Variants in MYL6 observed in about 807,000 individuals in gnomAD.
MYL6 encodes the protein myosin light polypeptide 6.
Under a neutral mutation model 20.3 loss-of-function variants are expected in MYL6, and 20 were observed. The ratio of observed to expected loss-of-function variants is 0.98; its 90% CI spans 0.69 to 1.43. The LOEUF is 1.43. Among genes scored for constraint, MYL6 ranks in the 40% most tolerant of loss-of-function variants. The pLI, the probability that MYL6 is intolerant of heterozygous loss-of-function variation, is 0.00. For missense variants in MYL6, 164 were observed against 191.0 expected, an observed-to-expected ratio of 0.86 and a Z score of 0.83; for synonymous variants, 77 against 72.4, an observed-to-expected ratio of 1.06 and a Z score of -0.32.
rs1408058360 is a variant in MYL6, at chr12:56,161,178, G to C, written c.*17-209G>C. 3 of 631,894 alleles carry C rather than the reference G, an allele frequency of 4.7e-6. No individual in the cohort carries two copies. The African/African-American group carries it at 5.5e-5, about 11-fold the overall frequency. The allele number at this position is 631,894 out of a possible 1,614,324, so 39.1% of individuals were successfully genotyped here. Reference sequence around the variant, plus strand: ...TGCTGTGTTCTTGCTGCTTAGGTTTGGGTGGGGGACTAACAGCTGCTGGGA... The same window carrying C: ...TGCTGTGTTCTTGCTGCTTAGGTTTCGGTGGGGGACTAACAGCTGCTGGGA... On this transcript the variant is annotated intron_variant, in intron 6 of 6. Coordinates refer to ENST00000550697, the MANE Select transcript of MYL6 (RefSeq NM_021019.5).
intron 6 of MYL6, chr12:56,161,130 G>A: frequency 5.0e-6 from 3 of 601,570 alleles, no homozygotes; most frequent in Non-Finnish European, 9.0e-6. Flanking sequence ...AGCTGTAGGT[G>A]TAGTGGAGAA....
intron 2 of MYL6, 38 bp from the exon 3 acceptor site, chr12:56,159,549 C>A (rs764273200): frequency 6.2e-7 from 1 of 1,604,630 alleles, no homozygotes; most frequent in Non-Finnish European, 8.5e-7. Context: ...TTTGGATTAA[C>A]CCTCAAATCC....
chr12:56,158,516 A>T (rs1871468476), intron 1 of MYL6, 112 bp downstream of exon 1: 1 of 1,603,134 alleles, frequency 6.2e-7, no homozygotes, highest in Non-Finnish European at 8.5e-7. Context: ...TGAGGACCCG[A>T]AAGGTTGGAG....
At chr12:56,159,888 C>A in intron 3 of MYL6, 87 bp from the exon 4 acceptor site, 1 of 1,531,110 alleles carries the variant, frequency 6.5e-7, no homozygotes, top group Non-Finnish European at 8.8e-7. Context: ...TCTGTCATCT[C>A]TCTGTTCAGT....
intron 5 of MYL6, 150 bp downstream of exon 5, chr12:56,160,470 G>A (rs1003803310): frequency 1.1e-5 from 15 of 1,415,858 alleles, no homozygotes; most frequent in African/African-American, 9.9e-5. Context: ...CCAGGAGTGG[G>A]AGGTCAGGGC....
chr12:56,160,765 C>T (rs547357527), intron 6 of MYL6, 95 bp downstream of exon 6: 20 of 1,341,982 alleles, frequency 1.5e-5, no homozygotes, highest in Non-Finnish European at 2.0e-5. Context: ...ACCCTACTAC[C>T]ATCTGACTTC....
chr12:56,160,801 T>C (rs1183120624), intron 6 of MYL6, 131 bp downstream of exon 6: 2 of 1,046,400 alleles, frequency 1.9e-6, no homozygotes, highest in Non-Finnish European at 2.8e-6. Context: ...TGCATGGAGC[T>C]GACTAGGGAG....
chr12:56,160,687 C>A lies in MYL6; in HGVS notation c.*16+17C>A. ...ATGGGGCGGGTACGGCTCCTCCCAG[C>A]CTCTCCTCTAGTTGATCTCCCCAGT... On this transcript the variant is annotated intron_variant, in intron 6 of 6. Coordinates refer to ENST00000550697, the MANE Select transcript of MYL6 (RefSeq NM_021019.5). The A allele has an allele frequency of 6.2e-7, 1 of 1,613,472 alleles. No individual in the cohort carries two copies. Among genetic ancestry groups the A allele is most frequent in the Non-Finnish European group, 8.5e-7 (1 of 1,179,490 alleles).
intron 2 of MYL6, chr12:56,159,382 G>A: frequency 1.7e-6 from 1 of 600,516 alleles, no homozygotes; most frequent in Non-Finnish European, 2.7e-6. Flanking sequence ...ATGTTACCAG[G>A]CTGCCAGAAG....
In MYL6 at chr12:56,161,377, C is replaced by T. The variant is rs373745775; in HGVS notation, c.*17-10C>T. The T allele has an allele frequency of 6.2e-7, 1 of 1,614,026 alleles. No individual in the cohort carries two copies. Among genetic ancestry groups the T allele is most frequent in the Non-Finnish European group, 8.5e-7 (1 of 1,180,010 alleles). On this transcript the variant is annotated splice_polypyrimidine_tract_variant and intron_variant, in intron 6 of 6. Transcript: ENST00000550697. ...TGTTCCCTGGCTCATCCCACCTTTC[C>T]TTTCCACAGAGCTCGTCCGCATGGT...
intron 1 of MYL6, 35 bp from the exon 2 acceptor site, chr12:56,158,648 GT>G: frequency 6.2e-7 from 1 of 1,614,092 alleles, no homozygotes; most frequent in Non-Finnish European, 8.5e-7. Flanking sequence ...GGGGATTGGC[GT>G]TCAGATGCTG....
At chr12:56,160,893 T>C (rs749703559) in intron 6 of MYL6, 3 of 599,142 alleles carry the variant, frequency 5.0e-6, no homozygotes, top group South Asian at 4.1e-5. Context: ...GTTTTACTTA[T>C]GCGGCCCTGG....
At chr12:56,159,510 TGAATGGGCAGCA>T in intron 2 of MYL6, 65 bp from the exon 3 acceptor site, 1 of 1,556,622 alleles carries the variant, frequency 6.4e-7, no homozygotes. Context: ...TGATCAAAGT[TGAATGGGCAGCA>T]GAGCTCTGAG....
rs1565883463 is a variant in MYL6, at chr12:56,159,741, T to C, written c.175+11T>C. The C allele has an allele frequency of 6.2e-7, 1 of 1,612,476 alleles. No homozygotes were observed. The highest frequency in any genetic ancestry group is 2.2e-5 in the East Asian group (1 of 44,848). On this transcript the variant is annotated intron_variant, in intron 3 of 6. Coordinates refer to ENST00000550697, the MANE Select transcript of MYL6 (RefSeq NM_021019.5). ...ACCCCAAGAGTGATGGTGAGGGGCCTAAAGAACAACTCCTCAGTGTGGTCA... is the reference window on the plus strand; with the variant it reads ...ACCCCAAGAGTGATGGTGAGGGGCCCAAAGAACAACTCCTCAGTGTGGTCA...
chr12:56,159,478 C>A, intron 2 of MYL6, 109 bp from the exon 3 acceptor site: 1 of 1,412,724 alleles, frequency 7.1e-7, no homozygotes, highest in Non-Finnish European at 9.7e-7. Flanking sequence ...CAGTTTGGTG[C>A]AGATATCTCG....
intron 5 of MYL6, 101 bp from the exon 6 acceptor site, chr12:56,160,525 G>A: frequency 6.9e-7 from 1 of 1,440,644 alleles, no homozygotes; most frequent in Non-Finnish European, 9.8e-7. Flanking sequence ...AGGGTGGGAA[G>A]GAATGAGAAG....
intron 5 of MYL6, 82 bp from the exon 6 acceptor site, chr12:56,160,544 T>C (rs944869779): frequency 1.3e-6 from 2 of 1,494,936 alleles, no homozygotes; most frequent in Non-Finnish European, 1.9e-6. Flanking sequence ...AGTGAAATAA[T>C]GGAATGTCTG....
chr12:56,160,624 A>G lies in MYL6; in HGVS notation c.428-2A>G, dbSNP rs771627580. On this transcript the variant is annotated splice_acceptor_variant, in intron 5 of 6. Coordinates refer to ENST00000550697, the MANE Select transcript of MYL6 (RefSeq NM_021019.5). LOFTEE classifies it high-confidence loss of function. Reference sequence around the variant, plus strand: ...ACCATGAATGTCTCTTCCTTCCTGCAGCGTTTGTGAGGCATATCCTGTCGG... The same window carrying G: ...ACCATGAATGTCTCTTCCTTCCTGCGGCGTTTGTGAGGCATATCCTGTCGG... The G allele has an allele frequency of 2.5e-6, 4 of 1,614,026 alleles. No homozygotes were observed. In the Admixed American group the frequency reaches 6.7e-5, roughly 27 times the overall value.
chr12:56,158,669 C>T lies in MYL6; in HGVS notation c.4-15C>T. On this transcript the variant is annotated splice_polypyrimidine_tract_variant and intron_variant, in intron 1 of 6. Coordinates refer to ENST00000550697, the MANE Select transcript of MYL6 (RefSeq NM_021019.5). ...TGGCGTTCAGATGCTGACCACTTCC[C>T]TCTTCTCTGAGCAGTGTGACTTCAC... 1 of 1,614,120 alleles carries T rather than the reference C, an allele frequency of 6.2e-7. No individual in the cohort carries two copies. Among genetic ancestry groups the T allele is most frequent in the Non-Finnish European group, 8.5e-7 (1 of 1,180,002 alleles).
Sources: allele counts gnomAD v4.1 joint callset, GRCh38; gene constraint gnomAD v4.1.1; transcripts MANE v1.5; gene names NCBI Gene and HGNC (gene_info 2026-07-23, HGNC 2026-07-21).